Variants in LRRC7 observed in about 807,000 individuals in gnomAD.
LRRC7 encodes leucine rich repeat containing 7.
In LRRC7, 23 loss-of-function variants were observed where a neutral mutation model predicts 175.7. The ratio of observed to expected loss-of-function variants is 0.13; its 90% CI spans 0.09 to 0.19. The LOEUF is 0.19. Among genes scored for constraint, LRRC7 ranks in the 10% least tolerant of loss-of-function variants. LRRC7 has a pLI of 1.00. For synonymous variants in LRRC7, 685 were observed against 680.9 expected, an observed-to-expected ratio of 1.01 and a Z score of -0.09; for missense variants, 1,354 against 1,904.7, an observed-to-expected ratio of 0.71 and a Z score of 5.38.
intron 2 of LRRC7, among the ~76,000 whole-genome samples, chr1:69,691,571 G>A (rs1661867534): frequency 6.6e-6 from 1 of 152,124 alleles, no homozygotes; most frequent in Admixed American, 6.5e-5. Context: ...GCTAAGCCAG[G>A]TGGATCGCTT....
At chr1:69,784,565 T>A (rs1349710778) in intron 3 of LRRC7, among the ~76,000 whole-genome samples, 1 of 152,208 alleles carries the variant, frequency 6.6e-6, no homozygotes, top group African/African-American at 2.4e-5. Flanking sequence ...TAGATTGTTG[T>A]GAAGGGCTCC....
chr1:69,955,814 T>G (rs1318632869), intron 8 of LRRC7, among the ~76,000 whole-genome samples: 1 of 151,874 alleles, frequency 6.6e-6, no homozygotes, highest in Non-Finnish European at 1.5e-5. Flanking sequence ...CCTTGTACAT[T>G]GAGCCAATAA....
chr1:69,704,647 T>A (rs1047724440), intron 2 of LRRC7, among the ~76,000 whole-genome samples: 1 of 151,986 alleles, frequency 6.6e-6, no homozygotes, highest in African/African-American at 2.4e-5. Flanking sequence ...ATGATCAGTT[T>A]TAATAATCAC....
In LRRC7 at chr1:70,023,318, A is replaced by G. The variant is rs757925062; in HGVS notation, c.1738A>G (p.Thr580Ala). ...SGLQQERSMC[T>A]PLPVAAQSTT... Reference sequence around the variant, plus strand: ...CCTCCAGCAGGAAAGGAGCATGTGTACTCCATTGCCAGTTGCAGCACAATC... The same window carrying G: ...CCTCCAGCAGGAAAGGAGCATGTGTGCTCCATTGCCAGTTGCAGCACAATC... The change falls in exon 17 of 27, where the codon ACT (threonine) becomes GCT (alanine). Residue 580 changes from threonine to alanine, a missense_variant. By Grantham distance (58) the Thr-to-Ala change is moderately conservative. Transcript: ENST00000651989. The G allele has an allele frequency of 3.1e-6, 5 of 1,612,942 alleles. No homozygotes were observed. The South Asian group carries it at 5.5e-5, about 18-fold the overall frequency.
chr1:69,569,058 T>A (rs1645623083), intron 1 of LRRC7, among the ~76,000 whole-genome samples: 1 of 125,496 alleles, frequency 8.0e-6, no homozygotes, highest in Non-Finnish European at 1.7e-5. Flanking sequence ...AAGCGCGTGT[T>A]TGATCGTGAC....
At chr1:69,704,960 C>A (rs191900132) in intron 2 of LRRC7, among the ~76,000 whole-genome samples, 1 of 152,168 alleles carries the variant, frequency 6.6e-6, no homozygotes. Context: ...TGTCCTCATA[C>A]CCTAAAACCA....
chr1:69,838,649 T>C (rs958837185), intron 7 of LRRC7, among the ~76,000 whole-genome samples: 1 of 151,892 alleles, frequency 6.6e-6, no homozygotes, highest in African/African-American at 2.4e-5. Flanking sequence ...AATTTATGGA[T>C]TGTAGTGTAT....
Position 69,687,532 on chromosome 1 carries a change from AAAAAAAG to A in LRRC7, c.100+9067_100+9073del, listed in dbSNP as rs1259006999. Among the ~76,000 whole-genome samples the A allele has an allele frequency of 5.8e-3, 807 of 138,362 alleles. 2 individuals are homozygous for A. Among genetic ancestry groups the A allele is most frequent in the African/African-American group, 0.021 (766 of 36,420 alleles). 90.8% of individuals were successfully genotyped at this position (138,362 alleles called of 152,430 possible). A position where few individuals can be genotyped will look rare whatever the true frequency, so the allele number is the denominator to read the frequency against. On this transcript the variant is annotated intron_variant, in intron 2 of 26. Transcript: ENST00000651989. Reference sequence around the variant, plus strand: ...CTCAAGAAAAAACCAAAAAAAAAAAAAAAAAAGAAAAAAGAAAAAGAAAAGAAAAAAG... The same window carrying A: ...CTCAAGAAAAAACCAAAAAAAAAAAAAAAAAAGAAAAAGAAAAGAAAAAAG...
chr1:69,802,452 C>A (rs1054426310), intron 4 of LRRC7, among the ~76,000 whole-genome samples: 2 of 151,198 alleles, frequency 1.3e-5, no homozygotes, highest in Admixed American at 1.3e-4. Context: ...TAATTGATTC[C>A]TTTATTATAT....
rs990791539 is a variant in LRRC7, at chr1:69,568,511, T to A, written c.-129T>A. 15 of 795,766 alleles carry A rather than the reference T, an allele frequency of 1.9e-5. No individual in the cohort carries two copies. In the African/African-American group the frequency reaches 2.2e-4, roughly 12 times the overall value. The allele number at this position is 795,766 out of a possible 1,614,324, so 49.3% of individuals were successfully genotyped here. A position where few individuals can be genotyped will look rare whatever the true frequency, so the allele number is the denominator to read the frequency against. On this transcript the variant is annotated 5_prime_UTR_variant, in exon 1 of 27. Transcript: ENST00000651989. ...CCTGTTCTTCCTACCTTCTACTCCT[T>A]CCCTCCTCTTCTCCTCCGAAGACCC...
intron 2 of LRRC7, among the ~76,000 whole-genome samples, chr1:69,698,804 C>T (rs1197672345): frequency 6.6e-6 from 1 of 152,200 alleles, no homozygotes; most frequent in Non-Finnish European, 1.5e-5. Flanking sequence ...CTTTAATTCA[C>T]ATAACATGGT....
chr1:69,954,046 A>G (rs571932865), intron 8 of LRRC7, among the ~76,000 whole-genome samples: 23 of 152,082 alleles, frequency 1.5e-4, no homozygotes, highest in Non-Finnish European at 3.4e-4. Flanking sequence ...TGGCCCAGCC[A>G]TTTGAACATA....
chr1:69,597,357 A>C (rs1481913639), intron 1 of LRRC7, among the ~76,000 whole-genome samples: 2 of 152,170 alleles, frequency 1.3e-5, no homozygotes, highest in Non-Finnish European at 2.9e-5. Context: ...TAGAACAAGG[A>C]TACCTGTCTG....
chr1:69,769,572 A>G (rs904307611), intron 3 of LRRC7, among the ~76,000 whole-genome samples: 2 of 152,184 alleles, frequency 1.3e-5, no homozygotes, highest in Non-Finnish European at 2.9e-5. Context: ...GCATAAATGA[A>G]TTTTGTGTTT....
chr1:69,866,363 G>A (rs976663290), intron 7 of LRRC7, among the ~76,000 whole-genome samples: 1 of 152,146 alleles, frequency 6.6e-6, no homozygotes, highest in African/African-American at 2.4e-5. Flanking sequence ...TGCAAGTGGA[G>A]CATCAAACTG....
At chr1:69,855,860 G>T (rs375996897) in intron 7 of LRRC7, among the ~76,000 whole-genome samples, 9 of 152,196 alleles carry the variant, frequency 5.9e-5, no homozygotes, top group East Asian at 1.9e-4. Context: ...TTGTTGAATT[G>T]ATCCCTATAC....
intron 4 of LRRC7, among the ~76,000 whole-genome samples, chr1:69,810,549 A>C (rs1042307401): frequency 7.2e-5 from 11 of 152,220 alleles, no homozygotes; most frequent in African/African-American, 2.7e-4. Flanking sequence ...CAACTAAAAC[A>C]GCATGATACT....
rs530475065 is a variant in LRRC7, at chr1:70,132,123, G to A, written c.*10236G>A. ...AAATCAGATTCAGGCATATCCTCCA[G>A]TCTCTTCGTTCTGGTGACCATGCCC... is the stretch of plus-strand genomic sequence containing the variant. On this transcript the variant is annotated 3_prime_UTR_variant, in exon 27 of 27. Transcript: ENST00000651989. The A allele has an allele frequency of 3.9e-5, 6 of 152,364 alleles. No individual in the cohort carries two copies. In the East Asian group the frequency reaches 1.2e-3, roughly 29 times the overall value. The allele number at this position is 152,364 out of a possible 1,614,324, so 9.4% of individuals were successfully genotyped here.
At chr1:69,731,025 G>C (rs577720497) in intron 2 of LRRC7, among the ~76,000 whole-genome samples, 8 of 152,152 alleles carry the variant, frequency 5.3e-5, no homozygotes, top group African/African-American at 1.4e-4. Flanking sequence ...ATCTCGGCCG[G>C]GTGCAGTGGC....
Sources: allele counts gnomAD v4.1 joint callset (sites outside exome capture counted in the v4.1 genomes callset), GRCh38; gene constraint gnomAD v4.1.1; transcripts MANE v1.5; gene names NCBI Gene and HGNC (gene_info 2026-07-23, HGNC 2026-07-21).